The following RYR1 variants were observed in gnomAD, a reference collection of about 807,000 sequenced individuals.
RYR1 encodes central core disease of muscle.
RYR1 carries 342 observed loss-of-function variants against 583.5 expected under a neutral mutation model. The ratio of observed to expected loss-of-function variants is 0.59; its 90% CI spans 0.54 to 0.64. The LOEUF (loss-of-function observed/expected upper bound fraction) is 0.64, where lower values mean the gene tolerates loss of function less well. Ranked by LOEUF, RYR1 falls within the 30% of genes least tolerant of loss-of-function variation. The pLI, the probability that RYR1 is intolerant of heterozygous loss-of-function variation, is 0.00. For missense variants in RYR1, 6,032 were observed against 6,917.2 expected (o/e 0.87, Z 4.54); for synonymous variants, 2,791 against 2,822.5 (o/e 0.99, Z 0.35).
intron 89 of RYR1, among the ~76,000 whole-genome samples, chr19:38,552,213 A>G (rs1247601870): frequency 6.6e-6 from 1 of 151,198 alleles, no homozygotes; most frequent in African/African-American, 2.4e-5. Context: ...CAGGCTCCCA[A>G]AGTGCTGGGA....
chr19:38,496,714 C>A lies in RYR1; in HGVS notation c.6797-146C>A. The A allele has an allele frequency of 1.8e-6, 2 of 1,102,666 alleles. No homozygotes were observed. The highest frequency in any genetic ancestry group is 2.7e-6 in the Non-Finnish European group (2 of 730,788). The allele number at this position is 1,102,666 out of a possible 1,614,324, so 68.3% of individuals were successfully genotyped here. On this transcript the variant is annotated intron_variant, in intron 41 of 105. Coordinates refer to ENST00000359596, the MANE Select transcript of RYR1 (RefSeq NM_000540.3). This position sits in a 1 kb window ranked among gnomAD's most constrained non-coding sequence, Gnocchi z 4.8. Reference sequence around the variant, plus strand: ...ACAATAGTGACCCCAATAGTGACAGCCCAGAGTGGTCAGAGCTTGGATGAG... The same window carrying A: ...ACAATAGTGACCCCAATAGTGACAGACCAGAGTGGTCAGAGCTTGGATGAG...
intron 97 of RYR1, among the ~76,000 whole-genome samples, chr19:38,576,312 C>G (rs182442624): frequency 4.6e-5 from 7 of 151,930 alleles, no homozygotes; most frequent in Admixed American, 3.9e-4. Context: ...AAAATTAGCA[C>G]GGTACCGCAT....
At chr19:38,439,958 T>A (rs1972597320) in intron 1 of RYR1, among the ~76,000 whole-genome samples, 1 of 152,214 alleles carries the variant, frequency 6.6e-6, no homozygotes, top group African/African-American at 2.4e-5. Flanking sequence ...AAGATGAGCT[T>A]AAAAAGCAAT....
chr19:38,471,730 G>A (rs1164954911), intron 27 of RYR1, among the ~76,000 whole-genome samples: 4 of 151,724 alleles, frequency 2.6e-5, no homozygotes, highest in South Asian at 2.1e-4. Context: ...GTGAAACCCC[G>A]TCTCTTCTAA....
intron 63 of RYR1, among the ~76,000 whole-genome samples, chr19:38,514,550 G>T (rs1269886888): frequency 1.3e-5 from 2 of 151,878 alleles, no homozygotes; most frequent in Non-Finnish European, 2.9e-5. Context: ...AAAGTGCTGG[G>T]ATTACAGGCA....
intron 89 of RYR1, among the ~76,000 whole-genome samples, chr19:38,560,090 T>C (rs1973057788): frequency 6.6e-6 from 1 of 152,314 alleles, no homozygotes; most frequent in Non-Finnish European, 1.5e-5. Flanking sequence ...GTGGGTGAAC[T>C]TGGTGATTTA....
chr19:38,530,987 CTTTTTTTT>C (rs59244176), intron 76 of RYR1, among the ~76,000 whole-genome samples: 36 of 129,380 alleles, frequency 2.8e-4, no homozygotes, highest in African/African-American at 1.0e-3. Context: ...TTTTCTTTCT[CTTTTTTTT>C]TTTTTTTTTT....
rs140219611 is a variant in RYR1 at position 38,582,608 on chromosome 19, G to A, written c.14646+2104G>A. Among the ~76,000 whole-genome samples, 604 of 152,128 alleles carry A rather than the reference G, an allele frequency of 4.0e-3. 2 individuals are homozygous for A. Among genetic ancestry groups the A allele is most frequent in the African/African-American group, 0.014 (565 of 41,514 alleles). On this transcript the variant is annotated intron_variant, in intron 101 of 105. Coordinates refer to ENST00000359596, the MANE Select transcript of RYR1 (RefSeq NM_000540.3). Reference sequence around the variant, plus strand: ...TGAGGTTGCAGTGTGCTATGACTGCGCCACTGCACTCCAGCCTGGGTAACA... The same window carrying A: ...TGAGGTTGCAGTGTGCTATGACTGCACCACTGCACTCCAGCCTGGGTAACA...
intron 84 of RYR1, among the ~76,000 whole-genome samples, chr19:38,542,857 T>C (rs573971895): frequency 1.3e-5 from 2 of 151,312 alleles, no homozygotes; most frequent in South Asian, 2.1e-4. Context: ...TTATTTATTT[T>C]TGAGACGGGG....
At chr19:38,527,326 C>T (rs1222150900) in intron 72 of RYR1, among the ~76,000 whole-genome samples, 1 of 152,158 alleles carries the variant, frequency 6.6e-6, no homozygotes, top group Non-Finnish European at 1.5e-5. Flanking sequence ...GCCTGGCCAA[C>T]GTGGTGAAAC....
At chr19:38,516,745 G>A (rs986061172) in intron 65 of RYR1, among the ~76,000 whole-genome samples, 20 of 152,178 alleles carry the variant, frequency 1.3e-4, no homozygotes, top group Non-Finnish European at 1.9e-4. Flanking sequence ...TATGTATCGA[G>A]CAGTTACTAT....
At chr19:38,538,787 C>CG (rs1216337831) in intron 84 of RYR1, 1 of 152,192 alleles carries the variant, frequency 6.6e-6, no homozygotes, top group Non-Finnish European at 1.5e-5. Context: ...GCCAATTTAA[C>CG]AAGATTGAGG....
In RYR1 at chr19:38,500,214, A is replaced by C. The variant is rs1364266979; in HGVS notation, c.7323+198A>C. Among the ~76,000 whole-genome samples, 1 of 152,026 alleles carries C rather than the reference A, an allele frequency of 6.6e-6. No homozygotes were observed. The highest frequency in any genetic ancestry group is 6.6e-5 in the Admixed American group (1 of 15,264). On this transcript the variant is annotated intron_variant, in intron 45 of 105. Transcript: ENST00000359596. This position sits in a 1 kb window ranked among gnomAD's most constrained non-coding sequence, Gnocchi z 5.9. Reference sequence around the variant, plus strand: ...GCTCCCAGTCCAATGGGGGAGACGGACAGTGACACCCAGAGTGGTCAGGGC... The same window carrying C: ...GCTCCCAGTCCAATGGGGGAGACGGCCAGTGACACCCAGAGTGGTCAGGGC...
At position 38,496,249 on chromosome 19, in the gene RYR1, C is replaced by T; in HGVS notation, c.6583C>T (p.Pro2195Ser). ...GAACAACAAAGTCTTCTACCAACAC[C>T]CGAACCTGATGAGGGCGCTGGGCAT... ...IMNNKVFYQH[P>S]NLMRALGMHE... The change falls in exon 40 of 106, where the codon CCG becomes TCG. Residue 2195 changes from proline to serine, a missense_variant. By Grantham distance (74) the Pro-to-Ser change is moderately conservative (BLOSUM62 -1). Coordinates refer to ENST00000359596, the MANE Select transcript of RYR1 (RefSeq NM_000540.3). This position sits in a 1 kb window ranked among gnomAD's most constrained non-coding sequence, Gnocchi z 4.8. The T allele has an allele frequency of 6.2e-7, 1 of 1,613,874 alleles. No individual in the cohort carries two copies. The highest frequency in any genetic ancestry group is 8.5e-7 in the Non-Finnish European group (1 of 1,180,024).
chr19:38,585,092 C>T lies in RYR1; in HGVS notation c.14796C>T (p.Ile4932=), dbSNP rs1224746338. 1 of 1,613,612 alleles carries T rather than the reference C, an allele frequency of 6.2e-7. No homozygotes were observed. Among genetic ancestry groups the T allele is most frequent in the Non-Finnish European group, 8.5e-7 (1 of 1,179,858 alleles). The part of the protein sequence containing the change: ...FFFVIVILLA[I]IQGLIIDAFG... ...TCGTCATCGTCATCCTGTTGGCCATCATCCAGGGTCAGTGCTGGGAGTGGG... is the reference window on the plus strand; with the variant it reads ...TCGTCATCGTCATCCTGTTGGCCATTATCCAGGGTCAGTGCTGGGAGTGGG... Residue 4932 remains isoleucine, a synonymous_variant, in exon 102 of 106, where the codon ATC becomes ATT. Coordinates refer to ENST00000359596, the MANE Select transcript of RYR1 (RefSeq NM_000540.3).
chr19:38,466,535 C>T (rs1968120164), intron 24 of RYR1, 137 bp downstream of exon 24: 11 of 881,042 alleles, frequency 1.2e-5, no homozygotes, highest in South Asian at 5.2e-5. Flanking sequence ...GACGGAGTCT[C>T]GCTGTCCCCA....
Position 38,499,498 on chromosome 19 carries a change from G to C in RYR1, c.7028-137G>C. 1 of 1,080,520 alleles carries C rather than the reference G, an allele frequency of 9.3e-7. No individual in the cohort carries two copies. Among genetic ancestry groups the C allele is most frequent in the Admixed American group, 2.0e-5 (1 of 49,506 alleles). The allele number at this position is 1,080,520 out of a possible 1,614,324, so 66.9% of individuals were successfully genotyped here. A position where few individuals can be genotyped will look rare whatever the true frequency, so the allele number is the denominator to read the frequency against. ...TGGGTCCTGGGGCTGGCAGGGGCCT[G>C]GTGTTACCTCTGGAGGTGTTGGGTC... On this transcript the variant is annotated intron_variant, in intron 43 of 105. Coordinates refer to ENST00000359596, the MANE Select transcript of RYR1 (RefSeq NM_000540.3). This position sits in a 1 kb window ranked among gnomAD's most constrained non-coding sequence, Gnocchi z 7.3.
intron 58 of RYR1, among the ~76,000 whole-genome samples, chr19:38,508,383 T>C (rs1032977425): frequency 2.6e-5 from 4 of 152,116 alleles, no homozygotes; most frequent in Non-Finnish European, 5.9e-5. Context: ...AGCTAATTTT[T>C]TGTATTTTTT....
intron 100 of RYR1, 45 bp from the exon 101 acceptor site, chr19:38,580,325 G>T: frequency 6.8e-7 from 1 of 1,473,280 alleles, no homozygotes; most frequent in South Asian, 1.1e-5. Flanking sequence ...GGTGGGGGGA[G>T]GGCAAGCCCA....
Sources: allele counts gnomAD v4.1 joint callset (sites outside exome capture counted in the v4.1 genomes callset), GRCh38; gene constraint gnomAD v4.1.1; non-coding constraint Gnocchi (gnomAD v3.1); transcripts MANE v1.5; gene names NCBI Gene and HGNC (gene_info 2026-07-23, HGNC 2026-07-21).